MED13: variants seen among roughly 807,000 people sequenced by gnomAD.
MED13 encodes mediator complex subunit 13.
Under a neutral mutation model 225.2 loss-of-function variants are expected in MED13, and 23 were observed. The ratio of observed to expected loss-of-function variants is 0.10; its 90% CI spans 0.07 to 0.14. MED13 has a LOEUF of 0.14. Among genes scored for constraint, MED13 ranks in the 10% least tolerant of loss-of-function variants. The pLI, the probability that MED13 is intolerant of heterozygous loss-of-function variation, is 1.00. For missense variants in MED13, 2,197 were observed against 2,594.5 expected (o/e 0.85, Z 3.33); for synonymous variants, 942 against 889.2 (o/e 1.06, Z -1.06).
intron 16 of MED13, among the ~76,000 whole-genome samples, chr17:61,978,949 C>T (rs1318407312): frequency 6.6e-6 from 1 of 152,152 alleles, no homozygotes; most frequent in Non-Finnish European, 1.5e-5. Context: ...ACTGTAATCT[C>T]ACTGCCCAAG....
At position 62,005,788 on chromosome 17, in the gene MED13, G is replaced by A. The variant is rs1312311687; in HGVS notation, c.1967+4762C>T. The A allele has an allele frequency of 7.9e-5, 12 of 152,286 alleles. No individual in the cohort carries two copies. The East Asian group carries it at 1.5e-3, about 20-fold the overall frequency. 9.4% of individuals were successfully genotyped at this position (152,286 alleles called of 1,614,324 possible). Reference sequence around the variant, plus strand: ...GCTGGAGTACAGTGGCTATTCACAGGTGCAATCCCACCACTATCAGCATAG... The same window carrying A: ...GCTGGAGTACAGTGGCTATTCACAGATGCAATCCCACCACTATCAGCATAG... On this transcript the variant is annotated intron_variant, in intron 9 of 29. Coordinates refer to ENST00000397786, the MANE Select transcript of MED13 (RefSeq NM_005121.3).
chr17:62,047,146 G>A (rs769199489), intron 3 of MED13, among the ~76,000 whole-genome samples: 6 of 152,142 alleles, frequency 3.9e-5, no homozygotes, highest in African/African-American at 1.4e-4. Flanking sequence ...CGACATGGGC[G>A]GATTACCTGA....
rs1414882697 is a variant in MED13, at chr17:62,015,952, ATATTTTTTTTTTTTTTT to A, written c.1284-4736_1284-4720del. Among the ~76,000 whole-genome samples the A allele has an allele frequency of 7.5e-4, 8 of 10,634 alleles. 1 individual carries two copies. The South Asian group carries it at 0.019, about 25-fold the overall frequency. The allele number at this position is 10,634 out of a possible 152,430, so 7.0% of individuals were successfully genotyped here. On this transcript the variant is annotated intron_variant, in intron 8 of 29. Coordinates refer to ENST00000397786, the MANE Select transcript of MED13 (RefSeq NM_005121.3). ...TATATATATATATATATATATATAT[ATATTTTTTTTTTTTTTT>A]TTTTTTTTTTTTTTAGTAGAGACCG...
chr17:62,016,502 A>AGGG (rs1353074633), intron 8 of MED13, among the ~76,000 whole-genome samples: 1 of 152,190 alleles, frequency 6.6e-6, no homozygotes, highest in Non-Finnish European at 1.5e-5. Flanking sequence ...ATTTCTACCT[A>AGGG]ATTTATAAAG....
intron 3 of MED13, among the ~76,000 whole-genome samples, chr17:62,041,921 G>T (rs564885804): frequency 6.6e-6 from 1 of 152,120 alleles, no homozygotes; most frequent in African/African-American, 2.4e-5. Context: ...TTTTTATTCC[G>T]TGAATTCAAA....
rs147994380 is a variant in MED13, at chr17:62,040,602, G to A, written c.471-4994C>T. 1.0e-3 allele frequency among the ~76,000 whole-genome samples: 154 copies of A among 152,242 alleles called. 1 individual carries two copies. The East Asian group carries it at 0.014, about 14-fold the overall frequency. ...GCTACAGAAAAATGATATCCCATTTGCCAGTAGAGAATCCGAGGCACAAAG... is the reference window on the plus strand; with the variant it reads ...GCTACAGAAAAATGATATCCCATTTACCAGTAGAGAATCCGAGGCACAAAG... On this transcript the variant is annotated intron_variant, in intron 3 of 29. Coordinates refer to ENST00000397786, the MANE Select transcript of MED13 (RefSeq NM_005121.3).
At chr17:61,951,711 A>G (rs2079898272) in intron 27 of MED13, among the ~76,000 whole-genome samples, 1 of 152,032 alleles carries the variant, frequency 6.6e-6, no homozygotes, top group Non-Finnish European at 1.5e-5. Flanking sequence ...CTTAAAAGTA[A>G]AAATGGTTTT....
chr17:61,961,111 G>GT, intron 22 of MED13, 21 bp from the exon 23 acceptor site: 2 of 1,528,264 alleles, frequency 1.3e-6, no homozygotes, highest in South Asian at 2.3e-5. Context: ...AAAAATTAAG[G>GT]TATTATCATA....
At chr17:61,988,165 A>G (rs2080264740) in intron 11 of MED13, among the ~76,000 whole-genome samples, 1 of 152,126 alleles carries the variant, frequency 6.6e-6, no homozygotes, top group African/African-American at 2.4e-5. Flanking sequence ...CCCTCGACAA[A>G]TTACTTAATG....
intron 17 of MED13, among the ~76,000 whole-genome samples, chr17:61,969,879 G>A (rs887185705): frequency 6.6e-6 from 1 of 152,106 alleles, no homozygotes; most frequent in South Asian, 2.1e-4. Context: ...TGGGATTACA[G>A]GCGTGAGTCG....
intron 8 of MED13, among the ~76,000 whole-genome samples, chr17:62,020,116 G>C (rs2080624700): frequency 6.6e-6 from 1 of 152,010 alleles, no homozygotes; most frequent in East Asian, 1.9e-4. Flanking sequence ...TGTCCTCAAA[G>C]CACAAACCAA....
intron 16 of MED13, among the ~76,000 whole-genome samples, chr17:61,975,512 T>TA (rs1430079823): frequency 6.6e-6 from 1 of 152,162 alleles, no homozygotes; most frequent in Admixed American, 6.6e-5. Flanking sequence ...TGCTGGTAGT[T>TA]ATGTAAAATG....
At chr17:62,063,594 GCAAA>G (rs2081058704) in intron 1 of MED13, among the ~76,000 whole-genome samples, 2 of 152,150 alleles carry the variant, frequency 1.3e-5, no homozygotes, top group South Asian at 2.1e-4. Context: ...ACTTCAATAT[GCAAA>G]CAGAGTACAT....
At chr17:61,976,453 A>C (rs975655466) in intron 16 of MED13, among the ~76,000 whole-genome samples, 1 of 152,198 alleles carries the variant, frequency 6.6e-6, no homozygotes, top group African/African-American at 2.4e-5. Flanking sequence ...GGGGTTTAAT[A>C]TGAAAATGTT....
intron 23 of MED13, 103 bp from the exon 24 acceptor site, chr17:61,956,584 G>A: frequency 8.3e-7 from 1 of 1,208,672 alleles, no homozygotes; most frequent in Non-Finnish European, 1.2e-6. Context: ...ACCCAGGCTG[G>A]ATGGAGTGCA....
chr17:62,028,283 A>G lies in MED13; in HGVS notation c.1283+1258T>C, dbSNP rs372222305. Among the ~76,000 whole-genome samples the G allele has an allele frequency of 5.6e-3, 856 of 152,318 alleles. 7 individuals are homozygous for G. Among genetic ancestry groups the G allele is most frequent in the Non-Finnish European group, 0.01 (695 of 68,028 alleles). ...GGATGAGCTGGAGGTCATTATCCTT[A>G]GCACAGGAACAGAAAGCCAATTACT... On this transcript the variant is annotated intron_variant, in intron 8 of 29. Transcript: ENST00000397786.
intron 9 of MED13, chr17:62,005,682 A>G (rs2080440096): frequency 6.6e-6 from 1 of 152,276 alleles, no homozygotes; most frequent in Non-Finnish European, 1.5e-5. Flanking sequence ...GATGAAGCAC[A>G]GGACTTATCT....
rs1339938614 is a variant in MED13, at chr17:62,024,396, T to G, written c.1283+5145A>C. On this transcript the variant is annotated intron_variant, in intron 8 of 29. Coordinates refer to ENST00000397786, the MANE Select transcript of MED13 (RefSeq NM_005121.3). ...AACCTGTGTTGCCAACATGCATATT[T>G]TAATGCCTTCCTCTAAAACCATTTT... Among the ~76,000 whole-genome samples, 4 of 152,218 alleles carry G rather than the reference T, an allele frequency of 2.6e-5. No homozygotes were observed. In the East Asian group the frequency reaches 5.8e-4, roughly 22 times the overall value.
intron 3 of MED13, among the ~76,000 whole-genome samples, chr17:62,042,592 C>T (rs1262089846): frequency 6.6e-6 from 1 of 150,626 alleles, no homozygotes; most frequent in Admixed American, 6.6e-5. Context: ...CAAAAAAACC[C>T]CACAAAACTT....
Sources: allele counts gnomAD v4.1 joint callset (sites outside exome capture counted in the v4.1 genomes callset), GRCh38; gene constraint gnomAD v4.1.1; transcripts MANE v1.5; gene names NCBI Gene and HGNC (gene_info 2026-07-23, HGNC 2026-07-21).